The following UBR4 variants were observed in gnomAD, a reference collection of about 807,000 sequenced individuals.
UBR4 encodes the protein ubiquitin protein ligase E3 component n-recognin 4, also known as E3 ubiquitin-protein ligase UBR4.
In UBR4, 124 loss-of-function variants were observed where a neutral mutation model predicts 575.6. The observed-to-expected ratio is 0.22, with a 90% confidence interval of 0.19 to 0.25. The LOEUF (loss-of-function observed/expected upper bound fraction) is 0.25. Among genes scored for constraint, UBR4 ranks in the 10% least tolerant of loss-of-function variants. UBR4 has a pLI of 1.00. For synonymous variants in UBR4, 2,455 were observed against 2,473.7 expected (o/e 0.99, Z 0.22); for missense variants, 4,818 against 6,478.8 (o/e 0.74, Z 8.80).
chr1:19,103,474 C>T (rs1331561847), intron 87 of UBR4, among the ~76,000 whole-genome samples: 1 of 151,976 alleles, frequency 6.6e-6, no homozygotes, highest in South Asian at 2.1e-4. Flanking sequence ...CTGAGGCAGG[C>T]GAATCGCTTG....
Position 19,192,195 on chromosome 1 carries a change from C to T in UBR4, c.1387G>A (p.Gly463Arg). ...EGVGSPKLGP[G>R]KGHQGFGVLS... ...AATCAAGTAGACACATACCCTTTTC[C>T]AGGCCCCAGTTTAGGGGAGCCCACT... is the stretch of plus-strand genomic sequence containing the variant. Residue 463 changes from glycine (G) to arginine (R), a missense_variant, in exon 11 of 106, where the codon GGA (glycine) becomes AGA (arginine). Gly to Arg is a moderately radical substitution (Grantham distance 125). Coordinates refer to ENST00000375254, the MANE Select transcript of UBR4 (RefSeq NM_020765.3). 6.2e-7 allele frequency: 1 copy of T among 1,613,520 alleles called. No homozygotes were observed. The highest frequency in any genetic ancestry group is 8.5e-7 in the Non-Finnish European group (1 of 1,179,822).
chr1:19,173,186 G>A lies in UBR4; in HGVS notation c.3286C>T (p.Arg1096Ter). Reference protein sequence around the residue: ...DVEIVEEYFARQISSFCSIDC... With the variant: ...DVEIVEEYFA ...TAGGTTCCAATATTACATACCTGTC[G>A]AGCGAAGTATTCCTCTACTATTTCA... The change falls in exon 24 of 106, where the codon CGA becomes TGA. Residue 1096 changes from arginine (R) to a stop codon, truncating the protein, a stop_gained. Coordinates refer to ENST00000375254, the MANE Select transcript of UBR4 (RefSeq NM_020765.3). LOFTEE classifies it high-confidence loss of function. The A allele has an allele frequency of 2.5e-6, 4 of 1,614,090 alleles. No individual in the cohort carries two copies. The highest frequency in any genetic ancestry group is 3.4e-6 in the Non-Finnish European group (4 of 1,180,024).
At chr1:19,205,168 C>T (rs1480191210) in intron 1 of UBR4, among the ~76,000 whole-genome samples, 2 of 152,160 alleles carry the variant, frequency 1.3e-5, no homozygotes, top group African/African-American at 4.8e-5. Flanking sequence ...AGCTTTTATA[C>T]TCTATACCAA....
intron 33 of UBR4, 136 bp downstream of exon 33, chr1:19,164,117 C>G: frequency 2.0e-6 from 2 of 1,003,622 alleles, no homozygotes; most frequent in Non-Finnish European, 2.9e-6. Flanking sequence ...GAGCTATTTG[C>G]TACCCACCCA....
Position 19,177,622 on chromosome 1 carries a change from G to T in UBR4, c.2476C>A (p.Arg826=). 1 of 1,614,012 alleles carries T rather than the reference G, an allele frequency of 6.2e-7. No individual in the cohort carries two copies. The highest frequency in any genetic ancestry group is 8.5e-7 in the Non-Finnish European group (1 of 1,179,990). The part of the protein sequence containing the change: ...LIFHNFTETG[R]RAILSLFVQI... Reference sequence around the variant, plus strand: ...ACAAAAAGCGACAATATGGCCCGCCGGCCTGTCTCGGTGAAATTGTGGAAA... The same window carrying T: ...ACAAAAAGCGACAATATGGCCCGCCTGCCTGTCTCGGTGAAATTGTGGAAA... The change falls in exon 19 of 106, where the codon CGG becomes AGG. Residue 826 remains arginine (R), a synonymous_variant. Transcript: ENST00000375254.
rs542661832 is a variant in UBR4 at position 19,112,795 on chromosome 1, G to A, written c.11530C>T (p.Arg3844Trp). The A allele has an allele frequency of 3.7e-6, 6 of 1,614,040 alleles. No individual in the cohort carries two copies. In the South Asian group the frequency reaches 4.4e-5, roughly 12 times the overall value. ...QQREAATKSSRTSVQPTFTAS... is the reference protein window; with the variant it reads ...QQREAATKSSWTSVQPTFTAS... ...GTGAATGTGGGCTGCACGGAGGTCC[G>A]GGATGATTTAGTGGCTGCTTCCCTC... is the stretch of plus-strand genomic sequence containing the variant. Residue 3844 changes from arginine to tryptophan, a missense_variant, in exon 78 of 106, where the codon CGG (arginine) becomes TGG (tryptophan). Arg to Trp is a moderately radical substitution (Grantham distance 101, BLOSUM62 -3). This residue lies in a region of UBR4 where 333 missense variants were observed against 459.2 expected (regional missense o/e 0.73). Coordinates refer to ENST00000375254, the MANE Select transcript of UBR4 (RefSeq NM_020765.3).
Position 19,118,418 on chromosome 1 carries a change from C to CTT in UBR4, c.10541+452_10541+453dup, listed in dbSNP as rs35059878. Reference sequence around the variant, plus strand: ...AACTTAAACCCTTGAAACTAAAGACCTTTTTTTTTTTTTTTTTTTGAGACA... The same window carrying CTT: ...AACTTAAACCCTTGAAACTAAAGACCTTTTTTTTTTTTTTTTTTTTTGAGACA... On this transcript the variant is annotated intron_variant, in intron 71 of 105. Coordinates refer to ENST00000375254, the MANE Select transcript of UBR4 (RefSeq NM_020765.3). The CTT allele has an allele frequency of 1.7e-3, 225 of 130,212 alleles. 3 individuals carry two copies. The highest frequency in any genetic ancestry group is 4.9e-3 in the African/African-American group (159 of 32,580). 8.1% of individuals were successfully genotyped at this position (130,212 alleles called of 1,614,324 possible). A position where few individuals can be genotyped will look rare whatever the true frequency, so the allele number is the denominator to read the frequency against.
At chr1:19,137,986 T>A (rs1291071671) in intron 60 of UBR4, 21 bp downstream of exon 60, 1 of 1,470,760 alleles carries the variant, frequency 6.8e-7, no homozygotes, top group Non-Finnish European at 9.1e-7. Flanking sequence ...GCCTCTTAAC[T>A]GTGAAGGACT....
chr1:19,210,035 C>T (rs200577628), intron 1 of UBR4, 38 bp downstream of exon 1: 2 of 1,516,692 alleles, frequency 1.3e-6, no homozygotes, highest in East Asian at 2.7e-5. Flanking sequence ...TCCCCTCCCC[C>T]CACAACAGCG....
Position 19,205,976 on chromosome 1 carries a change from G to GT in UBR4, c.176+4096dup, listed in dbSNP as rs561852909. On this transcript the variant is annotated intron_variant, in intron 1 of 105. Transcript: ENST00000375254. ...TCGAATGATAACCATGCTCACCAGC[G>GT]TATCTTGCACAGAGTTAAGAAAGGA... Among the ~76,000 whole-genome samples, 600 of 152,280 alleles carry GT rather than the reference G, an allele frequency of 3.9e-3. 4 individuals are homozygous for GT. The highest frequency in any genetic ancestry group is 0.014 in the Middle Eastern group (4 of 294).
chr1:19,161,983 G>T, intron 35 of UBR4, 86 bp from the exon 36 acceptor site: 1 of 1,484,868 alleles, frequency 6.7e-7, no homozygotes, highest in South Asian at 1.2e-5. Flanking sequence ...ACGCCCTATG[G>T]CGGGGTGAAT....
At chr1:19,181,411 C>T (rs1421964987) in intron 17 of UBR4, among the ~76,000 whole-genome samples, 2 of 152,120 alleles carry the variant, frequency 1.3e-5, no homozygotes, top group African/African-American at 4.8e-5. Context: ...CAAACCAACT[C>T]CCCTTCCTGA....
intron 58 of UBR4, among the ~76,000 whole-genome samples, chr1:19,140,479 T>G (rs936834266): frequency 2.6e-5 from 4 of 152,256 alleles, no homozygotes; most frequent in African/African-American, 9.6e-5. Flanking sequence ...ATGTTAGAAC[T>G]CTGACAAAGA....
At chr1:19,131,746 G>A (rs1204372528) in intron 60 of UBR4, among the ~76,000 whole-genome samples, 1 of 152,192 alleles carries the variant, frequency 6.6e-6, no homozygotes, top group African/African-American at 2.4e-5. Context: ...GGTCACGCAT[G>A]CCTGTAATCC....
intron 44 of UBR4, among the ~76,000 whole-genome samples, chr1:19,154,703 G>C (rs951509744): frequency 1.3e-5 from 2 of 152,134 alleles, no homozygotes; most frequent in Non-Finnish European, 1.5e-5. Context: ...CTGACAGCTT[G>C]GGGTCTCCAC....
chr1:19,127,762 A>G lies in UBR4; in HGVS notation c.9112-23T>C, dbSNP rs758688651. 3.1e-6 allele frequency: 5 copies of G among 1,594,588 alleles called. No homozygotes were observed. In the Admixed American group the frequency reaches 8.3e-5, roughly 27 times the overall value. Reference sequence around the variant, plus strand: ...ATCCTGCAGGCCAAAGCGTAAGTCCAGAAACCTCTACTTACTCGATGCTTG... The same window carrying G: ...ATCCTGCAGGCCAAAGCGTAAGTCCGGAAACCTCTACTTACTCGATGCTTG... On this transcript the variant is annotated intron_variant, in intron 62 of 105. Transcript: ENST00000375254.
At chr1:19,081,203 A>G in intron 103 of UBR4, 146 bp downstream of exon 103, 2 of 726,386 alleles carry the variant, frequency 2.8e-6, no homozygotes, top group Middle Eastern at 8.1e-4. Flanking sequence ...GACTCTTGAC[A>G]TGACAGACTG....
Position 19,100,599 on chromosome 1 carries a change from C to T in UBR4, c.13024-26G>A. On this transcript the variant is annotated intron_variant, in intron 88 of 105. Transcript: ENST00000375254. This position sits in a 1 kb window ranked among gnomAD's most constrained non-coding sequence, Gnocchi z 4.2. ...CTGGAGGACAGACAGAAGGGTGCAT[C>T]AGAAGGGATGGCAGAGGTGGAGATT... is the stretch of plus-strand genomic sequence containing the variant. 6.2e-7 allele frequency: 1 copy of T among 1,610,428 alleles called. No homozygotes were observed. The highest frequency in any genetic ancestry group is 8.5e-7 in the Non-Finnish European group (1 of 1,176,930).
At chr1:19,096,270 C>T (rs1570404304) in intron 92 of UBR4, among the ~76,000 whole-genome samples, 1 of 152,240 alleles carries the variant, frequency 6.6e-6, no homozygotes, top group Middle Eastern at 3.4e-3. Flanking sequence ...AACACAAGTG[C>T]AGCTATTTGG....
Sources: gnomAD v4.1 joint callset for allele counts (sites outside exome capture counted in the v4.1 genomes callset) on GRCh38, gnomAD v4.1.1 for gene constraint, gnomAD v4.1.1 regional missense constraint, Gnocchi (gnomAD v3.1) non-coding constraint, MANE v1.5 for transcripts, NCBI Gene and HGNC (gene_info 2026-07-23, HGNC 2026-07-21) for gene names.